The following AKAP6 variants were observed in gnomAD, a reference collection of about 807,000 sequenced individuals.
AKAP6 encodes A-kinase anchor protein 6.
Under a neutral mutation model 188.5 loss-of-function variants are expected in AKAP6, and 58 were observed. The observed-to-expected ratio is 0.31, with a 90% confidence interval of 0.25 to 0.38. AKAP6 has a LOEUF of 0.38. Ranked by LOEUF, AKAP6 falls within the 10% of genes least tolerant of loss-of-function variation. The pLI, the probability that AKAP6 is intolerant of heterozygous loss-of-function variation, is 1.00. For missense variants in AKAP6, 2,710 were observed against 2,740.0 expected (o/e 0.99, Z 0.24); for synonymous variants, 989 against 998.6 (o/e 0.99, Z 0.18).
At position 32,583,392 on chromosome 14, in the gene AKAP6, T is replaced by C. The variant is rs565306859; in HGVS notation, c.2469+6150T>C. On this transcript the variant is annotated intron_variant, in intron 5 of 13. Coordinates refer to ENST00000280979, the MANE Select transcript of AKAP6 (RefSeq NM_004274.5). ...TACCCGGCCGTGTGAGGTGTCAGTC[T>C]GCCCCTACTGGGGGGTGCCTCCCAG... Among the ~76,000 whole-genome samples the C allele has an allele frequency of 5.3e-5, 8 of 152,326 alleles. No individual in the cohort carries two copies. The South Asian group carries it at 1.5e-3, about 28-fold the overall frequency.
intron 7 of AKAP6, among the ~76,000 whole-genome samples, chr14:32,620,024 T>C (rs775505566): frequency 3.3e-5 from 5 of 152,190 alleles, no homozygotes; most frequent in Non-Finnish European, 7.4e-5. Context: ...TTTGGATGCA[T>C]TGATTTTGTA....
chr14:32,601,392 T>C (rs1412087626), intron 7 of AKAP6, among the ~76,000 whole-genome samples: 1 of 152,182 alleles, frequency 6.6e-6, no homozygotes, highest in Non-Finnish European at 1.5e-5. Flanking sequence ...TAAAAATGAG[T>C]ACTGATGTGT....
intron 2 of AKAP6, among the ~76,000 whole-genome samples, chr14:32,478,547 TA>T (rs201088452): frequency 6.6e-6 from 1 of 151,476 alleles, no homozygotes; most frequent in African/African-American, 2.4e-5. Context: ...ACCTCTACCA[TA>T]AAAAAAACAA....
chr14:32,502,425 G>A (rs1395208484), intron 2 of AKAP6, among the ~76,000 whole-genome samples: 3 of 152,000 alleles, frequency 2.0e-5, no homozygotes, highest in Non-Finnish European at 2.9e-5. Flanking sequence ...AATTACCCAC[G>A]GCAAACTGGT....
At chr14:32,506,866 C>T (rs577000491) in intron 2 of AKAP6, among the ~76,000 whole-genome samples, 11 of 152,160 alleles carry the variant, frequency 7.2e-5, no homozygotes, top group Middle Eastern at 3.4e-3. Context: ...AAAAAAATTG[C>T]GCATCTCTTT....
chr14:32,383,169 A>C (rs939790306), intron 1 of AKAP6, among the ~76,000 whole-genome samples: 5 of 151,812 alleles, frequency 3.3e-5, no homozygotes, highest in Non-Finnish European at 7.4e-5. Context: ...GAAGCTGAAG[A>C]TGAAACTACT....
chr14:32,602,948 G>C (rs539199915), intron 7 of AKAP6, among the ~76,000 whole-genome samples: 2 of 152,150 alleles, frequency 1.3e-5, no homozygotes, highest in Admixed American at 1.3e-4. Flanking sequence ...GCTGGCTTCC[G>C]TGCCTGTCTC....
chr14:32,399,793 C>T (rs1889021507), intron 1 of AKAP6, among the ~76,000 whole-genome samples: 1 of 152,036 alleles, frequency 6.6e-6, no homozygotes, highest in Non-Finnish European at 1.5e-5. Context: ...TTTTAATTCC[C>T]TTTTAGACTT....
intron 2 of AKAP6, among the ~76,000 whole-genome samples, chr14:32,466,746 A>AAC (rs1736577827): frequency 6.7e-6 from 1 of 149,854 alleles, no homozygotes; most frequent in African/African-American, 2.5e-5. Flanking sequence ...GTTCAAAAAA[A>AAC]AAAAAAAAGA....
intron 11 of AKAP6, among the ~76,000 whole-genome samples, chr14:32,760,095 A>G (rs949220608): frequency 6.6e-6 from 1 of 152,230 alleles, no homozygotes. Context: ...CGACCAAGAC[A>G]TGAACGGAAT....
intron 7 of AKAP6, among the ~76,000 whole-genome samples, chr14:32,656,882 T>C (rs988383115): frequency 1.3e-5 from 2 of 152,170 alleles, no homozygotes; most frequent in Non-Finnish European, 2.9e-5. Flanking sequence ...GTAAATATGC[T>C]TCTCTCTGTT....
intron 2 of AKAP6, among the ~76,000 whole-genome samples, chr14:32,521,688 A>G (rs962462691): frequency 1.3e-5 from 2 of 152,130 alleles, no homozygotes; most frequent in African/African-American, 4.8e-5. Flanking sequence ...AAATAAAAGA[A>G]GACACAAACA....
At chr14:32,409,957 G>A (rs1889428429) in intron 1 of AKAP6, among the ~76,000 whole-genome samples, 1 of 152,086 alleles carries the variant, frequency 6.6e-6, no homozygotes, top group African/African-American at 2.4e-5. Flanking sequence ...AGTCTCATCA[G>A]AGGGGTTTTA....
At chr14:32,782,666 T>C (rs975839758) in intron 12 of AKAP6, among the ~76,000 whole-genome samples, 1 of 152,158 alleles carries the variant, frequency 6.6e-6, no homozygotes, top group African/African-American at 2.4e-5. Flanking sequence ...TAATAGTACA[T>C]GAAATGCTTA....
intron 12 of AKAP6, among the ~76,000 whole-genome samples, chr14:32,809,346 T>C (rs1451787942): frequency 6.6e-6 from 1 of 152,272 alleles, no homozygotes; most frequent in African/African-American, 2.4e-5. Flanking sequence ...TAGAGCTATC[T>C]ACTTCTGTTG....
At chr14:32,528,918 TCCAC>T (rs1882267544) in intron 2 of AKAP6, among the ~76,000 whole-genome samples, 1 of 152,166 alleles carries the variant, frequency 6.6e-6, no homozygotes, top group Non-Finnish European at 1.5e-5. Flanking sequence ...CTTCAGGTGA[TCCAC>T]CTGCCTCAGC....
At chr14:32,414,550 T>C (rs1392878079) in intron 1 of AKAP6, among the ~76,000 whole-genome samples, 1 of 152,198 alleles carries the variant, frequency 6.6e-6, no homozygotes, top group Non-Finnish European at 1.5e-5. Context: ...TTCCCGCTGG[T>C]CATCGGAGCT....
At chr14:32,688,903 A>G (rs1042245560) in intron 8 of AKAP6, among the ~76,000 whole-genome samples, 1 of 152,188 alleles carries the variant, frequency 6.6e-6, no homozygotes, top group African/African-American at 2.4e-5. Flanking sequence ...ACAATTATTT[A>G]CAGGTTGTTG....
intron 9 of AKAP6, among the ~76,000 whole-genome samples, chr14:32,710,350 T>C (rs1890993885): frequency 6.6e-6 from 1 of 152,086 alleles, no homozygotes; most frequent in African/African-American, 2.4e-5. Flanking sequence ...TGGCTTATTG[T>C]TGTATATGTG....
Sources: allele counts gnomAD v4.1 joint callset (sites outside exome capture counted in the v4.1 genomes callset), GRCh38; gene constraint gnomAD v4.1.1; transcripts MANE v1.5; gene names NCBI Gene and HGNC (gene_info 2026-07-23, HGNC 2026-07-21).